DMTF1: variants seen among roughly 807,000 people sequenced by gnomAD.
DMTF1 encodes the protein cyclin-D-binding Myb-like transcription factor 1.
In DMTF1, 39 loss-of-function variants were observed where a neutral mutation model predicts 91.1. The ratio of observed to expected loss-of-function variants is 0.43; its 90% CI spans 0.33 to 0.56. The LOEUF (loss-of-function observed/expected upper bound fraction) is 0.56, where lower values mean the gene tolerates loss of function less well. Among genes scored for constraint, DMTF1 ranks in the 20% least tolerant of loss-of-function variants. DMTF1 has a pLI of 0.05. For synonymous variants in DMTF1, 338 were observed against 309.5 expected (o/e 1.09, Z -0.97); for missense variants, 750 against 914.5 (o/e 0.82, Z 2.32).
At chr7:87,188,323 T>G (rs778877986) in intron 13 of DMTF1, 22 bp downstream of exon 13, 3 of 1,612,008 alleles carry the variant, frequency 1.9e-6, no homozygotes, top group East Asian at 4.5e-5. Flanking sequence ...ATCTTCAAGA[T>G]TCCTTGCTGT....
At chr7:87,178,279 T>C (rs919558144) in intron 7 of DMTF1, among the ~76,000 whole-genome samples, 2 of 152,092 alleles carry the variant, frequency 1.3e-5, no homozygotes, top group Non-Finnish European at 2.9e-5. Context: ...TAACTGCATT[T>C]TGATTTTGTA....
intron 15 of DMTF1, 143 bp downstream of exon 15, chr7:87,193,496 C>CT: frequency 1.1e-6 from 1 of 891,736 alleles, no homozygotes; most frequent in Non-Finnish European, 1.7e-6. Flanking sequence ...ATCACTCTGC[C>CT]TTCACTGGAG....
At chr7:87,164,550 G>A (rs1374180794) in intron 2 of DMTF1, among the ~76,000 whole-genome samples, 2 of 152,042 alleles carry the variant, frequency 1.3e-5, no homozygotes, top group Non-Finnish European at 2.9e-5. Flanking sequence ...AAGTTTTGAT[G>A]AATCTTCTGC....
rs187113049 is a variant in DMTF1, at chr7:87,193,148, T to C, written c.1495-50T>C. The C allele has an allele frequency of 3.0e-4, 483 of 1,598,642 alleles. 1 individual carries two copies. The African/African-American group carries it at 5.8e-3, about 19-fold the overall frequency. On this transcript the variant is annotated intron_variant, in intron 14 of 17. Transcript: ENST00000331242. ...AAACTAAACTCAGTCCGTTTTTGTA[T>C]ATAAAAGTAGACTTAATCATTGTTA...
Position 87,194,823 on chromosome 7 carries a change from T to C in DMTF1, c.2168T>C (p.Leu723Pro). The C allele has an allele frequency of 1.9e-6, 3 of 1,609,180 alleles. No homozygotes were observed. The highest frequency in any genetic ancestry group is 2.5e-6 in the Non-Finnish European group (3 of 1,177,742). ...DTESVLPLTT[L>P]TDPILQHHQE... Reference sequence around the variant, plus strand: ...GAATCTGTCTTGCCTTTGACAACACTAACAGGTACTGTAATATAATACTTA... The same window carrying C: ...GAATCTGTCTTGCCTTTGACAACACCAACAGGTACTGTAATATAATACTTA... The change falls in exon 17 of 18, where the codon CTA (leucine) becomes CCA (proline). Residue 723 changes from leucine (L) to proline (P), a missense_variant. Leu to Pro is a moderately conservative substitution (Grantham distance 98, BLOSUM62 -3). Coordinates refer to ENST00000331242, the MANE Select transcript of DMTF1 (RefSeq NM_001142327.2).
chr7:87,170,310 T>TA, intron 4 of DMTF1, among the ~76,000 whole-genome samples: 1 of 152,216 alleles, frequency 6.6e-6, no homozygotes, highest in Non-Finnish European at 1.5e-5. Context: ...CTGTTTTTCT[T>TA]ATAGCAGCCA....
At position 87,193,254 on chromosome 7, in the gene DMTF1, A is replaced by T; in HGVS notation, c.1551A>T (p.Ser517=). The T allele has an allele frequency of 6.2e-7, 1 of 1,612,048 alleles. No homozygotes were observed. The highest frequency in any genetic ancestry group is 8.5e-7 in the Non-Finnish European group (1 of 1,178,290). The change falls in exon 15 of 18, where the codon TCA becomes TCT. Residue 517 remains serine (S), a synonymous_variant. Transcript: ENST00000331242. ...GCACCTACCTACTTCAAACAAGCTC[A>T]AGCCAAGGCCTTCCCCTAACTCTGA... ...TPGTYLLQTS[S]SQGLPLTLTA...
In DMTF1 at chr7:87,193,869, G is replaced by A; in HGVS notation, c.1795G>A (p.Asp599Asn). Residue 599 changes from aspartate (D) to asparagine (N), a missense_variant, in exon 16 of 18, where the codon GAT becomes AAT. Transcript: ENST00000331242. ...AGTCGATAGTGATATTCAGTCATCT[G>A]ATTTTCCTGAGCCTCCAGACGCCCT... Reference protein sequence around the residue: ...LTVDSDIQSSDFPEPPDALEA... With the variant: ...LTVDSDIQSSNFPEPPDALEA... 6.2e-7 allele frequency: 1 copy of A among 1,613,416 alleles called. No individual in the cohort carries two copies. Among genetic ancestry groups the A allele is most frequent in the Middle Eastern group, 1.7e-4 (1 of 6,052 alleles).
At chr7:87,154,044 C>G (rs1392146135) in intron 1 of DMTF1, among the ~76,000 whole-genome samples, 4 of 152,056 alleles carry the variant, frequency 2.6e-5, no homozygotes, top group Non-Finnish European at 5.9e-5. Flanking sequence ...GGCGATACAC[C>G]AAAATCTTAT....
At chr7:87,192,135 G>C (rs561716603) in intron 14 of DMTF1, among the ~76,000 whole-genome samples, 1 of 152,158 alleles carries the variant, frequency 6.6e-6, no homozygotes, top group South Asian at 2.1e-4. Context: ...TTTGAGGTAT[G>C]TGTTCAGGTT....
At chr7:87,174,089 T>C (rs935802608) in intron 6 of DMTF1, among the ~76,000 whole-genome samples, 5 of 152,166 alleles carry the variant, frequency 3.3e-5, no homozygotes, top group Non-Finnish European at 5.9e-5. Context: ...GGGTTGTGTC[T>C]GTGCCACTCT....
intron 15 of DMTF1, 57 bp downstream of exon 15, chr7:87,193,410 A>G (rs1800361533): frequency 2.6e-6 from 4 of 1,566,252 alleles, no homozygotes; most frequent in Non-Finnish European, 3.5e-6. Context: ...GGATTAGTTG[A>G]TAAGGACCAA....
At chr7:87,163,441 C>T (rs1319927486) in intron 1 of DMTF1, 54 bp from the exon 2 acceptor site, 1 of 152,226 alleles carries the variant, frequency 6.6e-6, no homozygotes, top group African/African-American at 2.4e-5. Flanking sequence ...TACTGCTATA[C>T]TATTCGTTTG....
rs544669251 is a variant in DMTF1, at chr7:87,168,320, C to T, written c.232+1715C>T. ...TTCATCTAGATGATTCTTTCAGTAC[C>T]TTAGCCTCTTATTCCTTTTGTTCTC... On this transcript the variant is annotated intron_variant, in intron 4 of 17. Transcript: ENST00000331242. Among the ~76,000 whole-genome samples the T allele has an allele frequency of 4.3e-4, 65 of 152,230 alleles. 2 individuals carry two copies. The highest frequency in any genetic ancestry group is 2.1e-4 in the South Asian group (1 of 4,830).
intron 9 of DMTF1, 82 bp downstream of exon 9, chr7:87,181,423 G>A (rs1797364947): frequency 1.5e-6 from 1 of 675,738 alleles, no homozygotes; most frequent in African/African-American, 1.8e-5. Context: ...ATTTCAAGAG[G>A]TTTTTGGCAG....
rs143186462 is a variant in DMTF1 at position 87,173,799 on chromosome 7, A to C, written c.442+150A>C. On this transcript the variant is annotated intron_variant, in intron 6 of 17. Transcript: ENST00000331242. ...TTCTAACTGAATTAAATTTGGCCCC[A>C]AATGACTTTGAATTAAGGTTATGAA... 701 of 409,612 alleles carry C rather than the reference A, an allele frequency of 1.7e-3. 2 individuals carry two copies. Among genetic ancestry groups the C allele is most frequent in the African/African-American group, 0.014 (653 of 48,296 alleles). 25.4% of individuals were successfully genotyped at this position (409,612 alleles called of 1,614,324 possible). A position where few individuals can be genotyped will look rare whatever the true frequency, so the allele number is the denominator to read the frequency against.
intron 1 of DMTF1, among the ~76,000 whole-genome samples, chr7:87,154,959 TAC>T (rs1790294377): frequency 6.6e-6 from 1 of 152,228 alleles, no homozygotes; most frequent in Non-Finnish European, 1.5e-5. Flanking sequence ...CTCCAAAATC[TAC>T]AGACTCTAAT....
chr7:87,159,725 C>G (rs2129052627), intron 1 of DMTF1, among the ~76,000 whole-genome samples: 1 of 152,128 alleles, frequency 6.6e-6, no homozygotes, highest in East Asian at 1.9e-4. Context: ...TGACAGAGTT[C>G]TGAGAAATGC....
In DMTF1 at chr7:87,179,579, T is replaced by C; in HGVS notation, c.554T>C (p.Phe185Ser). ...RGIKDATEII[F>S]EMSKDERKDF... is the part of the protein sequence containing the mutation. Reference sequence around the variant, plus strand: ...ATAAAAGATGCTACAGAAATCATCTTTGAGATGTCAAAAGACGAAAGAAAA... The same window carrying C: ...ATAAAAGATGCTACAGAAATCATCTCTGAGATGTCAAAAGACGAAAGAAAA... The change falls in exon 8 of 18, where the codon TTT becomes TCT. Residue 185 changes from phenylalanine to serine, a missense_variant. Around this residue, in one of 3 missense-constraint regions of DMTF1, gnomAD observed 190 missense variants for 343.8 expected, o/e 0.55. Coordinates refer to ENST00000331242, the MANE Select transcript of DMTF1 (RefSeq NM_001142327.2). The C allele has an allele frequency of 6.4e-7, 1 of 1,557,020 alleles. No individual in the cohort carries two copies. Among genetic ancestry groups the C allele is most frequent in the Non-Finnish European group, 8.6e-7 (1 of 1,161,860 alleles).
Sources: allele counts gnomAD v4.1 joint callset (sites outside exome capture counted in the v4.1 genomes callset), GRCh38; gene constraint gnomAD v4.1.1; regional missense constraint gnomAD v4.1.1; transcripts MANE v1.5; gene names NCBI Gene and HGNC (gene_info 2026-07-23, HGNC 2026-07-21).